IGFL2: variants seen among roughly 807,000 people sequenced by gnomAD.
IGFL2 encodes the protein insulin growth factor-like family member 2.
A neutral mutation model predicts 13.9 loss-of-function variants in IGFL2; 7 were observed. That is an observed-to-expected ratio of 0.51 (90% confidence interval 0.29 to 0.95). IGFL2 has a LOEUF of 0.95. IGFL2 is among the 40% of genes least tolerant of loss of function. IGFL2 has a pLI of 0.08. For missense variants in IGFL2, 138 were observed against 147.8 expected (o/e 0.93, Z 0.34); for synonymous variants, 55 against 55.8 (o/e 0.99, Z 0.07).
the IGFL2 span, chr19:46,113,354 A>G: frequency 5.9e-6 from 2 of 339,404 alleles, no homozygotes; most frequent in Non-Finnish European, 1.2e-5. Flanking sequence ...GGATGTATTC[A>G]GAAATTTCCA....
chr19:46,113,440 C>T, the IGFL2 span: 3 of 393,168 alleles, frequency 7.6e-6, no homozygotes, highest in South Asian at 5.7e-5. Flanking sequence ...CAAATGGAAT[C>T]CACGTAGATA....
chr19:46,147,595 C>G (rs551131380), upstream of IGFL2, among the ~76,000 whole-genome samples: 1 of 152,118 alleles, frequency 6.6e-6, no homozygotes, highest in Non-Finnish European at 1.5e-5. Context: ...AACCAATAGG[C>G]GACGTCTGGG....
chr19:46,163,910 C>G (rs1974275037), downstream of IGFL2: 1 of 152,386 alleles, frequency 6.6e-6, no homozygotes, highest in South Asian at 2.1e-4. Flanking sequence ...AGCAGCAGTC[C>G]CTCCCTGAAG....
the IGFL2 span, among the ~76,000 whole-genome samples, chr19:46,178,632 A>G: frequency 1.3e-5 from 2 of 152,166 alleles, no homozygotes; most frequent in Admixed American, 6.5e-5. Context: ...CATAAAAAGA[A>G]CCTTGGTTTC....
chr19:46,192,014 A>G, the IGFL2 span, among the ~76,000 whole-genome samples: 6 of 152,178 alleles, frequency 3.9e-5, no homozygotes, highest in Non-Finnish European at 8.8e-5. Context: ...GCACAGCAAT[A>G]AAGTGAAAAC....
In IGFL2 at chr19:46,159,178, C is replaced by T. The variant is rs544887248; in HGVS notation, c.20-1237C>T. On this transcript the variant is annotated intron_variant, in intron 1 of 3. Transcript: ENST00000377693. The stretch of plus-strand genomic sequence containing the variant: ...GTGCCTGTGCACTTCTGCTAGATCA[C>T]GTGAAAACTGTGGATATGACTCCAA... 8 of 152,316 alleles carry T rather than the reference C, an allele frequency of 5.3e-5. No individual in the cohort carries two copies. In the East Asian group the frequency reaches 5.8e-4, roughly 11 times the overall value. 9.4% of individuals were successfully genotyped at this position (152,316 alleles called of 1,614,324 possible).
At chr19:46,155,002 G>A (rs566662834) in intron 1 of IGFL2, among the ~76,000 whole-genome samples, 32 of 152,112 alleles carry the variant, frequency 2.1e-4, no homozygotes, top group Non-Finnish European at 3.7e-4. Context: ...CTGCAGCGAT[G>A]TCTTTCCTCT....
At chr19:46,213,120 T>C in the IGFL2 span, 10 of 152,712 alleles carry the variant, frequency 6.5e-5, no homozygotes, top group African/African-American at 2.4e-4. Flanking sequence ...GAGAAAGTCA[T>C]AGCTCAATGG....
chr19:46,184,578 T>A, the IGFL2 span, among the ~76,000 whole-genome samples: 2 of 152,150 alleles, frequency 1.3e-5, no homozygotes, highest in African/African-American at 2.4e-5. Flanking sequence ...TTCATCCATG[T>A]CCCTGCAAAG....
chr19:46,136,863 T>C, the IGFL2 span: 2 of 739,956 alleles, frequency 2.7e-6, no homozygotes, highest in East Asian at 5.2e-5. Flanking sequence ...GGGAGGAGTG[T>C]TGAAAAGACT....
chr19:46,127,146 G>C, the IGFL2 span, among the ~76,000 whole-genome samples: 1 of 152,162 alleles, frequency 6.6e-6, no homozygotes, highest in Non-Finnish European at 1.5e-5. Context: ...GGCACTTTGG[G>C]AGGCTGAGGT....
the IGFL2 span, among the ~76,000 whole-genome samples, chr19:46,117,165 A>G: frequency 1.3e-5 from 2 of 152,088 alleles, no homozygotes; most frequent in Non-Finnish European, 2.9e-5. Context: ...AGCTAAGCCT[A>G]TTCAGTAAGT....
chr19:46,136,403 T>C, the IGFL2 span, among the ~76,000 whole-genome samples: 1 of 152,102 alleles, frequency 6.6e-6, no homozygotes, highest in African/African-American at 2.4e-5. Context: ...CACATGGGAA[T>C]GAAAAGATGC....
chr19:46,152,192 A>T (rs1217710237), intron 1 of IGFL2, among the ~76,000 whole-genome samples: 2 of 149,172 alleles, frequency 1.3e-5, no homozygotes, highest in East Asian at 3.9e-4. Context: ...ATTGCTTTTT[A>T]TATGTTGATC....
the IGFL2 span, among the ~76,000 whole-genome samples, chr19:46,100,823 C>T: frequency 6.6e-6 from 1 of 152,112 alleles, no homozygotes; most frequent in Non-Finnish European, 1.5e-5. Context: ...AATTTCCTTT[C>T]AGTGTTTTTT....
At chr19:46,185,062 G>T in the IGFL2 span, among the ~76,000 whole-genome samples, 1 of 152,308 alleles carries the variant, frequency 6.6e-6, no homozygotes, top group Middle Eastern at 3.4e-3. Flanking sequence ...AGAAGTGTCT[G>T]TACATGTCCT....
chr19:46,203,137 T>C, the IGFL2 span: 1 of 151,984 alleles, frequency 6.6e-6, no homozygotes, highest in Non-Finnish European at 1.5e-5. Flanking sequence ...TAGTGGAAAA[T>C]TACAGTTAAA....
chr19:46,120,659 A>G, the IGFL2 span, among the ~76,000 whole-genome samples: 11 of 151,224 alleles, frequency 7.3e-5, no homozygotes, highest in Admixed American at 5.9e-4. Context: ...CTGAAAACCA[A>G]TACAGAGATA....
chr19:46,196,441 T>C, the IGFL2 span, among the ~76,000 whole-genome samples: 4 of 152,092 alleles, frequency 2.6e-5, no homozygotes, highest in Admixed American at 6.5e-5. Flanking sequence ...CATCCACAGC[T>C]GTTTCAGTCC....
Sources: gnomAD v4.1 joint callset for allele counts (sites outside exome capture counted in the v4.1 genomes callset) on GRCh38, gnomAD v4.1.1 for gene constraint, MANE v1.5 for transcripts, NCBI Gene and HGNC (gene_info 2026-07-23, HGNC 2026-07-21) for gene names.